Variants in MAP3K20 observed in about 807,000 individuals in gnomAD.
The protein encoded by MAP3K20 is HCCS-4.
A neutral mutation model predicts 85.7 loss-of-function variants in MAP3K20; 40 were observed. The ratio of observed to expected loss-of-function variants is 0.47; its 90% CI spans 0.36 to 0.61. The LOEUF is 0.61. Among genes scored for constraint, MAP3K20 ranks in the 20% least tolerant of loss-of-function variants. The pLI, the probability that MAP3K20 is intolerant of heterozygous loss-of-function variation, is 0.00. For missense variants in MAP3K20, 817 were observed against 961.7 expected, an observed-to-expected ratio of 0.85 and a Z score of 1.99; for synonymous variants, 325 against 327.7, an observed-to-expected ratio of 0.99 and a Z score of 0.09.
intron 11 of MAP3K20, chr2:173,226,534 A>G (rs998452576): frequency 1.0e-6 from 1 of 985,734 alleles, no homozygotes; most frequent in Non-Finnish European, 1.2e-6. Flanking sequence ...ATAGCCTGAC[A>G]GCTCTAGATA....
At chr2:173,209,573 CTGA>C (rs1261171907) in intron 9 of MAP3K20, 153 bp from the exon 10 acceptor site, 5 of 593,972 alleles carry the variant, frequency 8.4e-6, no homozygotes, top group African/African-American at 5.7e-5. Context: ...CCTGAGTGAT[CTGA>C]TGATTGTAAA....
intron 11 of MAP3K20, chr2:173,224,656 T>C (rs1001419328): frequency 2.0e-6 from 2 of 985,434 alleles, no homozygotes; most frequent in Non-Finnish European, 1.2e-6. Context: ...CTCGTAGAAC[T>C]GGACTATTGA....
At chr2:173,113,761 G>A (rs554335264) in intron 2 of MAP3K20, among the ~76,000 whole-genome samples, 2 of 152,212 alleles carry the variant, frequency 1.3e-5, no homozygotes, top group South Asian at 2.1e-4. Context: ...GAGAGTGCTT[G>A]ATATAATTTC....
At chr2:173,089,313 T>C (rs1687226884) in intron 1 of MAP3K20, among the ~76,000 whole-genome samples, 1 of 152,200 alleles carries the variant, frequency 6.6e-6, no homozygotes, top group African/African-American at 2.4e-5. Flanking sequence ...CTATGTACTT[T>C]TTTGGATGTG....
chr2:173,200,773 C>G (rs13313780), intron 8 of MAP3K20, among the ~76,000 whole-genome samples: 33,368 of 151,914 alleles, frequency 0.22, 3,851 homozygotes, highest in African/African-American at 0.26. Flanking sequence ...GCCTGGGTGA[C>G]AGAGTGACAC....
At chr2:173,134,299 A>G (rs1237410126) in intron 2 of MAP3K20, among the ~76,000 whole-genome samples, 1 of 141,142 alleles carries the variant, frequency 7.1e-6, no homozygotes, top group Admixed American at 7.2e-5. Flanking sequence ...CCCAGGTTCA[A>G]GCAGTTCTCC....
chr2:173,114,389 A>G lies in MAP3K20; in HGVS notation c.159+23199A>G, dbSNP rs891719303. 4.6e-5 allele frequency among the ~76,000 whole-genome samples: 7 copies of G among 152,226 alleles called. No individual in the cohort carries two copies. The East Asian group carries it at 5.8e-4, about 13-fold the overall frequency. On this transcript the variant is annotated intron_variant, in intron 2 of 19. Coordinates refer to ENST00000375213, the MANE Select transcript of MAP3K20 (RefSeq NM_016653.3). ...CATTTAGGCCATTTACATTCATTCA[A>G]TGTTAGTATTGAAGTGTGAGGTACT...
chr2:173,199,752 T>A (rs1035508613), intron 8 of MAP3K20, among the ~76,000 whole-genome samples: 1 of 152,014 alleles, frequency 6.6e-6, no homozygotes, highest in African/African-American at 2.4e-5. Flanking sequence ...TTAATATTTT[T>A]AAATAATATC....
chr2:173,165,327 G>T (rs1365630710), intron 2 of MAP3K20, among the ~76,000 whole-genome samples: 2 of 152,234 alleles, frequency 1.3e-5, no homozygotes, highest in Middle Eastern at 3.4e-3. Flanking sequence ...TGAGGCAGGA[G>T]AATTGCTTGA....
intron 1 of MAP3K20, among the ~76,000 whole-genome samples, chr2:173,082,019 CTTTG>C (rs1295929005): frequency 1.3e-4 from 19 of 149,422 alleles, no homozygotes; most frequent in African/African-American, 4.6e-4. Context: ...ACCAGGAATC[CTTTG>C]TTTTTTTTTT....
chr2:173,204,321 T>C (rs575597820), intron 9 of MAP3K20, among the ~76,000 whole-genome samples: 1 of 152,352 alleles, frequency 6.6e-6, no homozygotes, highest in African/African-American at 2.4e-5. Context: ...GGTTACATCA[T>C]GAGCTCAAGG....
At chr2:173,247,233 A>C (rs1176538265) in intron 16 of MAP3K20, among the ~76,000 whole-genome samples, 2 of 152,198 alleles carry the variant, frequency 1.3e-5, no homozygotes, top group Non-Finnish European at 2.9e-5. Flanking sequence ...TGTGCTTTTA[A>C]GTCCTTATTA....
intron 2 of MAP3K20, among the ~76,000 whole-genome samples, chr2:173,091,577 G>C (rs558875168): frequency 6.6e-6 from 1 of 152,244 alleles, no homozygotes; most frequent in East Asian, 1.9e-4. Context: ...CATTTTCTCT[G>C]CTTGAACTTC....
Position 173,076,756 on chromosome 2 carries a change from G to A in MAP3K20, c.-35+754G>A, listed in dbSNP as rs73971692. ...CCCCCTTTCCTCCCACCGGAGCCGGGGATGTCTCCTTTGGCGACCCTCAGG... is the reference window on the plus strand; with the variant it reads ...CCCCCTTTCCTCCCACCGGAGCCGGAGATGTCTCCTTTGGCGACCCTCAGG... On this transcript the variant is annotated intron_variant, in intron 1 of 19. Coordinates refer to ENST00000375213, the MANE Select transcript of MAP3K20 (RefSeq NM_016653.3). 7.5e-3 allele frequency among the ~76,000 whole-genome samples: 1,141 copies of A among 152,324 alleles called. 14 individuals are homozygous for A. Among genetic ancestry groups the A allele is most frequent in the African/African-American group, 0.023 (967 of 41,582 alleles).
intron 19 of MAP3K20, 88 bp downstream of exon 19, chr2:173,263,983 C>T: frequency 2.0e-6 from 3 of 1,486,990 alleles, no homozygotes; most frequent in Non-Finnish European, 2.7e-6. Context: ...TCAGAGGATA[C>T]CACCTCAATC....
chr2:173,099,745 T>A (rs1179456138), intron 2 of MAP3K20, among the ~76,000 whole-genome samples: 1 of 152,192 alleles, frequency 6.6e-6, no homozygotes, highest in Non-Finnish European at 1.5e-5. Context: ...TAGTACTAAT[T>A]TGACCGATGG....
chr2:173,091,144 A>G lies in MAP3K20; in HGVS notation c.113A>G (p.Gln38Arg). 6.2e-7 allele frequency: 1 copy of G among 1,614,040 alleles called. No individual in the cohort carries two copies. Among genetic ancestry groups the G allele is most frequent in the Middle Eastern group, 1.7e-4 (1 of 6,060 alleles). ...GSVYRAKWIS[Q>R]DKEVAVKKLL... ...GTTTATCGAGCCAAATGGATATCAC[A>G]GGACAAGGAGGTGGCTGTAAAGAAG... The change falls in exon 2 of 20, where the codon CAG (glutamine) becomes CGG (arginine). Residue 38 changes from glutamine to arginine, a missense_variant. Transcript: ENST00000375213.
At chr2:173,106,944 G>A (rs1021210246) in intron 2 of MAP3K20, among the ~76,000 whole-genome samples, 2 of 152,166 alleles carry the variant, frequency 1.3e-5, no homozygotes, top group Admixed American at 1.3e-4. Flanking sequence ...GCGGCAGGGT[G>A]AAGGACTAGA....
chr2:173,212,080 A>G (rs888576883), intron 10 of MAP3K20: 4 of 152,236 alleles, frequency 2.6e-5, no homozygotes, highest in African/African-American at 9.6e-5. Context: ...GAAAATTACC[A>G]TGGTGGTAAT....
Sources: gnomAD v4.1 joint callset for allele counts (sites outside exome capture counted in the v4.1 genomes callset) on GRCh38, gnomAD v4.1.1 for gene constraint, MANE v1.5 for transcripts, NCBI Gene and HGNC (gene_info 2026-07-23, HGNC 2026-07-21) for gene names.